Variants in RSBN1L observed in about 807,000 individuals in gnomAD.
RSBN1L encodes the protein lysine-specific demethylase RSBN1L.
RSBN1L carries 30 observed loss-of-function variants against 67.7 expected under a neutral mutation model. The ratio of observed to expected loss-of-function variants is 0.44; its 90% CI spans 0.33 to 0.60. RSBN1L has a LOEUF of 0.60. Among genes scored for constraint, RSBN1L ranks in the 20% least tolerant of loss-of-function variants. The pLI, the probability that RSBN1L is intolerant of heterozygous loss-of-function variation, is 0.02. For synonymous variants in RSBN1L, 433 were observed against 387.0 expected, an observed-to-expected ratio of 1.12 and a Z score of -1.39; for missense variants, 992 against 1,031.7, an observed-to-expected ratio of 0.96 and a Z score of 0.53.
intron 3 of RSBN1L, among the ~76,000 whole-genome samples, chr7:77,754,403 G>C (rs1022929357): frequency 6.6e-6 from 1 of 152,128 alleles, no homozygotes; most frequent in African/African-American, 2.4e-5. Flanking sequence ...TGAGTCTTCC[G>C]ATCTGTGATC....
chr7:77,696,561 T>G lies in RSBN1L; in HGVS notation c.92T>G (p.Leu31Arg). ...AAAGAACCGTTTGGCAAGCTGCAAC[T>G]CTCCTCCCGGGACCCTCCGGGTTCT... ...SEKEPFGKLQ[L>R]SSRDPPGSLS... is the part of the protein sequence containing the mutation. The change falls in exon 1 of 8, where the codon CTC (leucine) becomes CGC (arginine). Residue 31 changes from leucine (L) to arginine (R), a missense_variant. This residue lies in a region of RSBN1L where 575 missense variants were observed against 483.2 expected (regional missense o/e 1.19). Coordinates refer to ENST00000334955, the MANE Select transcript of RSBN1L (RefSeq NM_198467.3). 6.2e-7 allele frequency: 1 copy of G among 1,613,964 alleles called. No individual in the cohort carries two copies. The highest frequency in any genetic ancestry group is 2.2e-5 in the East Asian group (1 of 44,856).
chr7:77,699,376 T>G (rs80278674), intron 1 of RSBN1L, among the ~76,000 whole-genome samples: 2,105 of 152,324 alleles, frequency 0.014, 52 homozygotes, highest in African/African-American at 0.047. Context: ...GCTCCTGTAT[T>G]TATTAATAGT....
intron 1 of RSBN1L, among the ~76,000 whole-genome samples, chr7:77,735,317 T>C (rs1290345645): frequency 1.3e-5 from 2 of 152,152 alleles, no homozygotes; most frequent in East Asian, 1.9e-4. Flanking sequence ...TGAAATCTTA[T>C]GAAAAAATGT....
intron 3 of RSBN1L, among the ~76,000 whole-genome samples, chr7:77,757,825 T>C (rs1791638915): frequency 1.3e-5 from 2 of 152,164 alleles, no homozygotes; most frequent in Non-Finnish European, 1.5e-5. Flanking sequence ...TTCCATTGAG[T>C]AGAAAGAGGG....
chr7:77,718,369 A>G (rs1791075126), intron 1 of RSBN1L, among the ~76,000 whole-genome samples: 1 of 152,132 alleles, frequency 6.6e-6, no homozygotes, highest in African/African-American at 2.4e-5. Context: ...TGGTGCAATC[A>G]CGGCTTCAAC....
chr7:77,746,700 G>A (rs546966173), intron 2 of RSBN1L, among the ~76,000 whole-genome samples: 56 of 152,246 alleles, frequency 3.7e-4, no homozygotes, highest in East Asian at 7.7e-4. Context: ...ACCTATGAGC[G>A]TATAAAATAT....
At chr7:77,752,147 C>T (rs1181939224) in intron 3 of RSBN1L, among the ~76,000 whole-genome samples, 1 of 152,178 alleles carries the variant, frequency 6.6e-6, no homozygotes, top group African/African-American at 2.4e-5. Context: ...GGATGTGGAT[C>T]TCAAGTCCTT....
chr7:77,758,311 C>T (rs1222004650), intron 3 of RSBN1L, among the ~76,000 whole-genome samples: 1 of 152,122 alleles, frequency 6.6e-6, no homozygotes, highest in Non-Finnish European at 1.5e-5. Context: ...CCACCTTGGC[C>T]TCCCAAAGTG....
intron 1 of RSBN1L, among the ~76,000 whole-genome samples, chr7:77,710,231 C>G (rs1240264046): frequency 1.3e-5 from 2 of 152,182 alleles, no homozygotes; most frequent in Non-Finnish European, 2.9e-5. Flanking sequence ...AACCAGATAT[C>G]TAAATGCATA....
chr7:77,778,956 G>A lies in RSBN1L; in HGVS notation c.2329G>A (p.Ala777Thr). 6.2e-7 allele frequency: 1 copy of A among 1,613,780 alleles called. No individual in the cohort carries two copies. The highest frequency in any genetic ancestry group is 8.5e-7 in the Non-Finnish European group (1 of 1,179,720). Residue 777 changes from alanine (A) to threonine (T), a missense_variant, in exon 8 of 8, where the codon GCA becomes ACA. Physicochemically the swap from Ala to Thr is moderately conservative, Grantham distance 58. Transcript: ENST00000334955. The stretch of plus-strand genomic sequence containing the variant: ...TGTTAATATTCCTGAAAAGACTACA[G>A]CACTGAATAATATGGATGGCAAGAA... The part of the protein sequence containing the change: ...VNVNIPEKTT[A>T]LNNMDGKNVK...
chr7:77,708,254 CGTGGTGTGTTCG>C (rs1305643109), intron 1 of RSBN1L, among the ~76,000 whole-genome samples: 2 of 151,572 alleles, frequency 1.3e-5, no homozygotes, highest in African/African-American at 2.4e-5. Context: ...CAGGAGGGTG[CGTGGTGTGTTCG>C]GTGGTGTGTG....
At chr7:77,722,448 A>G (rs1356664528) in intron 1 of RSBN1L, among the ~76,000 whole-genome samples, 1 of 152,130 alleles carries the variant, frequency 6.6e-6, no homozygotes, top group East Asian at 1.9e-4. Context: ...GAAGGAATTG[A>G]TACTGTTATG....
At chr7:77,697,177 G>GGCGTCCGGTTTTCA in intron 1 of RSBN1L, 122 bp downstream of exon 1, 1 of 1,117,504 alleles carries the variant, frequency 8.9e-7, no homozygotes. Flanking sequence ...GGGGCTGGGA[G>GGCGTCCGGTTTTCA]GCGTCCGGTT....
chr7:77,716,190 C>T (rs921780357), intron 1 of RSBN1L, among the ~76,000 whole-genome samples: 1 of 152,162 alleles, frequency 6.6e-6, no homozygotes, highest in Non-Finnish European at 1.5e-5. Flanking sequence ...AGGATTTTCT[C>T]TTAGATTTCT....
rs1240046198 is a variant in RSBN1L, at chr7:77,779,110, G to A, written c.2483G>A (p.Arg828Lys). The part of the protein sequence containing the change: ...CPGNLSLVDT[R>K]QHSSAHSNQD... ...GGAAATCTAAGTCTAGTTGATACAA[G>A]GCAACACAGTTCAGCACATTCAAAT... The change falls in exon 8 of 8, where the codon AGG becomes AAG. Residue 828 changes from arginine to lysine, a missense_variant. Transcript: ENST00000334955. 6.2e-7 allele frequency: 1 copy of A among 1,613,480 alleles called. No individual in the cohort carries two copies.
chr7:77,697,923 T>C (rs1225363020), intron 1 of RSBN1L, among the ~76,000 whole-genome samples: 1 of 152,228 alleles, frequency 6.6e-6, no homozygotes, highest in Admixed American at 6.5e-5. Context: ...GATCTGACAA[T>C]AGTGCAACAT....
intron 1 of RSBN1L, among the ~76,000 whole-genome samples, chr7:77,704,958 A>G (rs1562792846): frequency 6.6e-6 from 1 of 150,612 alleles, no homozygotes; most frequent in Non-Finnish European, 1.5e-5. Context: ...GGCGACAGGC[A>G]ACAAGAGTGA....
chr7:77,761,237 G>T (rs1454924825), intron 3 of RSBN1L, among the ~76,000 whole-genome samples: 1 of 152,162 alleles, frequency 6.6e-6, no homozygotes, highest in African/African-American at 2.4e-5. Flanking sequence ...CTGCAGCTGT[G>T]CTTACCCTTT....
intron 1 of RSBN1L, among the ~76,000 whole-genome samples, chr7:77,716,541 T>G (rs1181453452): frequency 6.6e-6 from 1 of 151,354 alleles, no homozygotes; most frequent in Non-Finnish European, 1.5e-5. Flanking sequence ...GATATTTTCA[T>G]TAAATTTATT....
Sources: allele counts gnomAD v4.1 joint callset (sites outside exome capture counted in the v4.1 genomes callset), GRCh38; gene constraint gnomAD v4.1.1; regional missense constraint gnomAD v4.1.1; transcripts MANE v1.5; gene names NCBI Gene and HGNC (gene_info 2026-07-23, HGNC 2026-07-21).